Variants in MYCT1 observed in about 807,000 individuals in gnomAD.
MYCT1 encodes the protein MYC target 1, also known as myc target protein 1.
MYCT1 carries 12 observed loss-of-function variants against 15.0 expected under a neutral mutation model. That is an observed-to-expected ratio of 0.80 (90% confidence interval 0.51 to 1.29). MYCT1 has a LOEUF of 1.29. Among genes scored for constraint, MYCT1 ranks in the 50% most tolerant of loss-of-function variants. The probability of loss-of-function intolerance (pLI) is 0.00; values close to 1 mark genes in which losing one functional copy is unlikely to be tolerated. For missense variants in MYCT1, 287 were observed against 279.1 expected, an observed-to-expected ratio of 1.03 and a Z score of -0.20; for synonymous variants, 104 against 102.7, an observed-to-expected ratio of 1.01 and a Z score of -0.07.
the MYCT1 span, among the ~76,000 whole-genome samples, chr6:152,742,041 C>T: frequency 2.0e-5 from 3 of 152,194 alleles, no homozygotes; most frequent in Non-Finnish European, 4.4e-5. Flanking sequence ...CAATTTCAAT[C>T]TCATTCACTC....
rs151025427 is a variant in MYCT1 at position 152,707,852 on chromosome 6, A to C, written c.196+9754A>C. Among the ~76,000 whole-genome samples, 36 of 152,172 alleles carry C rather than the reference A, an allele frequency of 2.4e-4. No homozygotes were observed. In the East Asian group the frequency reaches 6.4e-3, roughly 27 times the overall value. On this transcript the variant is annotated intron_variant, in intron 1 of 1. Coordinates refer to ENST00000367245, the MANE Select transcript of MYCT1 (RefSeq NM_025107.3). The stretch of plus-strand genomic sequence containing the variant: ...GCTTCCTCCCTATTATGTTTCATTA[A>C]TCTAAATGTCTATGTAAATGCCAGT...
At chr6:152,726,279 C>A (rs767698118), downstream of MYCT1, among the ~76,000 whole-genome samples, 23 of 151,986 alleles carry the variant, frequency 1.5e-4, no homozygotes, top group Non-Finnish European at 3.1e-4. Flanking sequence ...TGCCTGTAAT[C>A]CCAGCTACTC....
At chr6:152,720,205 C>A (rs532246162) in intron 1 of MYCT1, among the ~76,000 whole-genome samples, 2 of 152,056 alleles carry the variant, frequency 1.3e-5, no homozygotes, top group Admixed American at 6.6e-5. Flanking sequence ...CATCATCTGG[C>A]AGGCTAGTCT....
chr6:152,713,756 C>T (rs2099723139), intron 1 of MYCT1, among the ~76,000 whole-genome samples: 1 of 152,068 alleles, frequency 6.6e-6, no homozygotes, highest in South Asian at 2.1e-4. Flanking sequence ...TTCTCTTCTC[C>T]AGGATTTCCC....
intron 1 of MYCT1, 152 bp downstream of exon 1, chr6:152,698,250 A>G (rs571315661): frequency 5.0e-5 from 18 of 362,978 alleles, no homozygotes; most frequent in Non-Finnish European, 8.4e-5. Flanking sequence ...AATCTATTTC[A>G]TACGTTTATT....
chr6:152,703,623 A>G (rs1303045089), intron 1 of MYCT1, among the ~76,000 whole-genome samples: 1 of 152,196 alleles, frequency 6.6e-6, no homozygotes, highest in Non-Finnish European at 1.5e-5. Context: ...CTTTAAAGTC[A>G]AGTTTACATA....
intron 1 of MYCT1, among the ~76,000 whole-genome samples, chr6:152,708,285 T>C (rs1412153563): frequency 6.6e-6 from 1 of 152,100 alleles, no homozygotes; most frequent in Non-Finnish European, 1.5e-5. Flanking sequence ...TGTTTGCTGC[T>C]AGTATATAAA....
chr6:152,744,842 TG>T, the MYCT1 span, among the ~76,000 whole-genome samples: 5 of 152,002 alleles, frequency 3.3e-5, no homozygotes, highest in Admixed American at 6.6e-5. Context: ...AGGCGGGAGC[TG>T]GGGGGAGAGC....
chr6:152,735,342 G>T, the MYCT1 span, among the ~76,000 whole-genome samples: 4 of 152,048 alleles, frequency 2.6e-5, no homozygotes, highest in Non-Finnish European at 5.9e-5. Context: ...GTTTGAATTG[G>T]TAGAACCTTT....
chr6:152,732,248 CAG>C, the MYCT1 span, among the ~76,000 whole-genome samples: 1 of 152,080 alleles, frequency 6.6e-6, no homozygotes, highest in African/African-American at 2.4e-5. Context: ...AGAAAAGTAA[CAG>C]AAGATCCTCG....
intron 1 of MYCT1, among the ~76,000 whole-genome samples, chr6:152,703,385 A>G (rs1212929709): frequency 2.0e-5 from 3 of 152,212 alleles, no homozygotes; most frequent in Non-Finnish European, 2.9e-5. Flanking sequence ...TCAACATTTT[A>G]TTATGAAAAT....
downstream of MYCT1, among the ~76,000 whole-genome samples, chr6:152,725,748 C>T (rs1318449260): frequency 5.3e-5 from 8 of 152,150 alleles, no homozygotes. Context: ...AGGCAGACCA[C>T]GAAGTCTCCT....
downstream of MYCT1, among the ~76,000 whole-genome samples, chr6:152,725,369 A>C (rs1254671992): frequency 3.9e-5 from 6 of 152,236 alleles, no homozygotes; most frequent in African/African-American, 1.2e-4. Context: ...GTTTGTGGTA[A>C]AATACTGCAT....
At position 152,704,113 on chromosome 6, in the gene MYCT1, C is replaced by G. The variant is rs2099721833; in HGVS notation, c.196+6015C>G. Among the ~76,000 whole-genome samples, 4 of 151,966 alleles carry G rather than the reference C, an allele frequency of 2.6e-5. No individual in the cohort carries two copies. In the South Asian group the frequency reaches 8.3e-4, roughly 32 times the overall value. ...CTGGGCTCAAGTGATCATCCCACCTCAGCCTCCCACATAGCTGGGACTACA... is the reference window on the plus strand; with the variant it reads ...CTGGGCTCAAGTGATCATCCCACCTGAGCCTCCCACATAGCTGGGACTACA... On this transcript the variant is annotated intron_variant, in intron 1 of 1. Coordinates refer to ENST00000367245, the MANE Select transcript of MYCT1 (RefSeq NM_025107.3).
intron 1 of MYCT1, among the ~76,000 whole-genome samples, chr6:152,700,166 A>G (rs914142220): frequency 6.6e-6 from 1 of 152,172 alleles, no homozygotes; most frequent in African/African-American, 2.4e-5. Context: ...TATAAATGTC[A>G]ATCTTTTAAA....
At chr6:152,736,681 T>G in the MYCT1 span, among the ~76,000 whole-genome samples, 1 of 152,146 alleles carries the variant, frequency 6.6e-6, no homozygotes, top group Non-Finnish European at 1.5e-5. Context: ...ACATCCATTA[T>G]TAATACACTT....
At chr6:152,732,393 T>C in the MYCT1 span, among the ~76,000 whole-genome samples, 5 of 152,182 alleles carry the variant, frequency 3.3e-5, no homozygotes, top group South Asian at 1.0e-3. Flanking sequence ...GAGTTGAATT[T>C]TCAACAAATT....
At chr6:152,726,753 A>C (rs1033651538), downstream of MYCT1, among the ~76,000 whole-genome samples, 1 of 151,662 alleles carries the variant, frequency 6.6e-6, no homozygotes, top group Admixed American at 6.6e-5. Flanking sequence ...CTGTGATTGA[A>C]CCCCAGTTTC....
chr6:152,703,179 T>C (rs1171342180), intron 1 of MYCT1, among the ~76,000 whole-genome samples: 2 of 152,316 alleles, frequency 1.3e-5, no homozygotes. Context: ...GAAAATTCCC[T>C]ATTGTAACTA....
Sources: gnomAD v4.1 joint callset for allele counts (sites outside exome capture counted in the v4.1 genomes callset) on GRCh38, gnomAD v4.1.1 for gene constraint, MANE v1.5 for transcripts, NCBI Gene and HGNC (gene_info 2026-07-23, HGNC 2026-07-21) for gene names.